MCUB: variants seen among roughly 807,000 people sequenced by gnomAD.
MCUB encodes mitochondrial calcium uniporter dominant negative subunit beta.
In MCUB, 46 loss-of-function variants were observed where a neutral mutation model predicts 41.4. The ratio of observed to expected loss-of-function variants is 1.11; its 90% CI spans 0.88 to 1.42. The LOEUF (loss-of-function observed/expected upper bound fraction) is 1.42, where lower values mean the gene tolerates loss of function less well. MCUB is among the 40% of genes most tolerant of loss of function. MCUB has a pLI of 0.00. For missense variants in MCUB, 403 were observed against 404.9 expected (o/e 1.00, Z 0.04); for synonymous variants, 148 against 148.2 (o/e 1.00, Z 0.01).
chr4:109,682,324 C>CTT (rs11411542), intron 4 of MCUB, among the ~76,000 whole-genome samples: 230 of 147,284 alleles, frequency 1.6e-3, no homozygotes, highest in East Asian at 2.0e-3. Context: ...TTTTTGGTGA[C>CTT]TTTTTTTTTT....
intron 1 of MCUB, among the ~76,000 whole-genome samples, chr4:109,605,958 TTTTGTTTG>T (rs143489433): frequency 0.5 from 75,239 of 150,830 alleles, 19,238 homozygotes; most frequent in South Asian, 0.62. Context: ...GGGCCTGGGT[TTTTGTTTG>T]TTTGTTTGTT....
chr4:109,631,175 G>A (rs924473428), intron 1 of MCUB, among the ~76,000 whole-genome samples: 1 of 152,114 alleles, frequency 6.6e-6, no homozygotes, highest in African/African-American at 2.4e-5. Flanking sequence ...AATAATTTCC[G>A]CTCAATTAGA....
At chr4:109,614,331 T>C (rs566400801) in intron 1 of MCUB, among the ~76,000 whole-genome samples, 118 of 152,256 alleles carry the variant, frequency 7.8e-4, no homozygotes, top group African/African-American at 2.8e-3. Flanking sequence ...TAAATTCATA[T>C]GTGGAAACCT....
intron 1 of MCUB, among the ~76,000 whole-genome samples, chr4:109,609,383 G>A (rs990587268): frequency 5.3e-5 from 8 of 152,202 alleles, no homozygotes; most frequent in Non-Finnish European, 1.2e-4. Flanking sequence ...GTGACTTCCT[G>A]ACATTGCTAT....
intron 1 of MCUB, among the ~76,000 whole-genome samples, chr4:109,656,354 C>CCTT (rs1729099336): frequency 8.1e-5 from 5 of 62,096 alleles, no homozygotes; most frequent in Non-Finnish European, 9.3e-5. Context: ...TTACTCTCTA[C>CCTT]TTTTTTTTTT....
At chr4:109,661,892 G>A (rs1374227985) in intron 3 of MCUB, among the ~76,000 whole-genome samples, 4 of 152,154 alleles carry the variant, frequency 2.6e-5, no homozygotes, top group African/African-American at 9.7e-5. Context: ...AATTAGCCAG[G>A]TGTAGTGTTG....
chr4:109,632,362 A>G (rs1203953652), intron 1 of MCUB, among the ~76,000 whole-genome samples: 1 of 144,826 alleles, frequency 6.9e-6, no homozygotes, highest in Non-Finnish European at 1.5e-5. Context: ...AGAGAAATCT[A>G]ATCTAAAATA....
At chr4:109,612,836 G>A (rs990601412) in intron 1 of MCUB, among the ~76,000 whole-genome samples, 1 of 152,136 alleles carries the variant, frequency 6.6e-6, no homozygotes, top group Non-Finnish European at 1.5e-5. Context: ...GCCGGGTGCG[G>A]TGTCTCACGC....
intron 1 of MCUB, among the ~76,000 whole-genome samples, chr4:109,574,492 T>TAGGA (rs1206051072): frequency 1.3e-5 from 2 of 152,110 alleles, no homozygotes; most frequent in African/African-American, 2.4e-5. Context: ...ATCTATGCAA[T>TAGGA]AGGAGCCTGT....
At chr4:109,612,517 C>T (rs6841563) in intron 1 of MCUB, among the ~76,000 whole-genome samples, 69,998 of 151,738 alleles carry the variant, frequency 0.46, 17,484 homozygotes, top group South Asian at 0.62. Context: ...CTGACTGCCC[C>T]GGCCTCCCAA....
At chr4:109,639,362 TC>T (rs397971092) in intron 1 of MCUB, among the ~76,000 whole-genome samples, 3 of 151,610 alleles carry the variant, frequency 2.0e-5, no homozygotes, top group African/African-American at 4.9e-5. Context: ...TTTTTTTTTT[TC>T]CCCCTGAGCA....
At chr4:109,611,225 G>C (rs1299767116) in intron 1 of MCUB, among the ~76,000 whole-genome samples, 1 of 152,174 alleles carries the variant, frequency 6.6e-6, no homozygotes, top group African/African-American at 2.4e-5. Context: ...CAAGGTCTAG[G>C]CTTCTGTAAA....
In MCUB at chr4:109,684,595, C is replaced by G. The variant is rs1388605074; in HGVS notation, c.765C>G (p.Ile255Met). The part of the protein sequence containing the change: ...WDIMEPVTYF[I>M]TFANSMVFFA... The stretch of plus-strand genomic sequence containing the variant: ...TCATGGAGCCAGTTACATACTTCAT[C>G]ACATTTGCAAATTCTATGGTCTTTT... Residue 255 changes from isoleucine (I) to methionine (M), a missense_variant, in exon 6 of 8, where the codon ATC becomes ATG. Coordinates refer to ENST00000394650, the MANE Select transcript of MCUB (RefSeq NM_017918.5). 1 of 1,599,532 alleles carries G rather than the reference C, an allele frequency of 6.3e-7. No individual in the cohort carries two copies. The highest frequency in any genetic ancestry group is 8.6e-7 in the Non-Finnish European group (1 of 1,166,954).
intron 1 of MCUB, among the ~76,000 whole-genome samples, chr4:109,634,967 G>C (rs1728557105): frequency 1.3e-5 from 2 of 150,948 alleles, no homozygotes. Flanking sequence ...CCAACCCCCT[G>C]ATAGGCCCCA....
intron 1 of MCUB, among the ~76,000 whole-genome samples, chr4:109,631,025 T>C (rs1222153873): frequency 6.6e-6 from 1 of 152,244 alleles, no homozygotes; most frequent in Non-Finnish European, 1.5e-5. Flanking sequence ...TGATTCTTTA[T>C]ATGATAGTTT....
chr4:109,604,507 A>G (rs1312020621), intron 1 of MCUB, among the ~76,000 whole-genome samples: 1 of 152,144 alleles, frequency 6.6e-6, no homozygotes. Flanking sequence ...GATGCCCTTT[A>G]TTTCATTCTC....
intron 1 of MCUB, among the ~76,000 whole-genome samples, chr4:109,601,913 A>G (rs1231632813): frequency 2.6e-5 from 4 of 152,208 alleles, no homozygotes; most frequent in African/African-American, 9.6e-5. Context: ...TGCCTTTTGA[A>G]TATAAGCCAT....
chr4:109,585,346 G>A (rs2126127513), intron 1 of MCUB, among the ~76,000 whole-genome samples: 1 of 152,250 alleles, frequency 6.6e-6, no homozygotes, highest in South Asian at 2.1e-4. Context: ...GTGTGTCTCT[G>A]CATGTGAGAT....
In MCUB at chr4:109,685,337, A is replaced by T. The variant is rs771070654; in HGVS notation, c.903A>T (p.Gln301His). ...AGCAACAGCACTTTGATGTGCAGCA[A>T]TACAACAAGTTAAAAGAAGACCTTG... ...KSKQQHFDVQ[Q>H]YNKLKEDLAK... The change falls in exon 7 of 8, where the codon CAA becomes CAT. Residue 301 changes from glutamine to histidine, a missense_variant. By Grantham distance (24) the Gln-to-His change is conservative (BLOSUM62 0). Coordinates refer to ENST00000394650, the MANE Select transcript of MCUB (RefSeq NM_017918.5). 2 of 1,569,232 alleles carry T rather than the reference A, an allele frequency of 1.3e-6. No homozygotes were observed. Among genetic ancestry groups the T allele is most frequent in the South Asian group, 2.2e-5 (2 of 90,034 alleles).
Sources: allele counts gnomAD v4.1 joint callset (sites outside exome capture counted in the v4.1 genomes callset), GRCh38; gene constraint gnomAD v4.1.1; transcripts MANE v1.5; gene names NCBI Gene and HGNC (gene_info 2026-07-23, HGNC 2026-07-21).